The following HNF4G variants were observed in gnomAD, a reference collection of about 807,000 sequenced individuals.
The protein encoded by HNF4G is hepatocyte nuclear factor 4-gamma.
Under a neutral mutation model 50.9 loss-of-function variants are expected in HNF4G, and 21 were observed. The ratio of observed to expected loss-of-function variants is 0.41; its 90% CI spans 0.29 to 0.59. HNF4G has a LOEUF of 0.59. HNF4G is among the 20% of genes least tolerant of loss of function. The pLI is 0.26. For synonymous variants in HNF4G, 198 were observed against 185.6 expected (o/e 1.07, Z -0.54); for missense variants, 527 against 559.4 (o/e 0.94, Z 0.58).
At chr8:75,550,790 A>G (rs1806926787) in intron 3 of HNF4G, among the ~76,000 whole-genome samples, 1 of 151,924 alleles carries the variant, frequency 6.6e-6, no homozygotes, top group African/African-American at 2.4e-5. Flanking sequence ...ATCTTTCCAA[A>G]ATGCTGATAT....
chr8:75,481,960 T>C (rs1812391390), intron 1 of HNF4G, among the ~76,000 whole-genome samples: 2 of 152,190 alleles, frequency 1.3e-5, no homozygotes, highest in South Asian at 4.1e-4. Flanking sequence ...GGAAATTTTG[T>C]GAATTTTGTT....
At chr8:75,412,402 G>A (rs1810521825) in intron 1 of HNF4G, among the ~76,000 whole-genome samples, 1 of 152,154 alleles carries the variant, frequency 6.6e-6, no homozygotes, top group Admixed American at 6.5e-5. Flanking sequence ...AGTACATATG[G>A]ATAAATTCTT....
Position 75,556,931 on chromosome 8 carries a change from G to C in HNF4G, c.733+862G>C, listed in dbSNP as rs569201626. On this transcript the variant is annotated intron_variant, in intron 6 of 9. Coordinates refer to ENST00000396423, the MANE Select transcript of HNF4G (RefSeq NM_004133.5). Reference sequence around the variant, plus strand: ...TCCTTGAAATAGCCCTAAGGGATTAGTACTACTATTTTCAGCCCATTTTGC... The same window carrying C: ...TCCTTGAAATAGCCCTAAGGGATTACTACTACTATTTTCAGCCCATTTTGC... Among the ~76,000 whole-genome samples, 21 of 152,244 alleles carry C rather than the reference G, an allele frequency of 1.4e-4. No homozygotes were observed. In the South Asian group the frequency reaches 4.3e-3, roughly 32 times the overall value.
chr8:75,483,037 CTT>C (rs1812416892), intron 1 of HNF4G, among the ~76,000 whole-genome samples: 1 of 152,114 alleles, frequency 6.6e-6, no homozygotes, highest in South Asian at 2.1e-4. Flanking sequence ...CAATTGAACA[CTT>C]TTAAACTCAA....
chr8:75,545,251 G>T (rs1585942237), intron 2 of HNF4G, among the ~76,000 whole-genome samples: 1 of 151,450 alleles, frequency 6.6e-6, no homozygotes, highest in Non-Finnish European at 1.5e-5. Context: ...GTGTGTGTGT[G>T]TGTGTGTGTG....
intron 5 of HNF4G, among the ~76,000 whole-genome samples, chr8:75,555,211 G>C (rs1217740938): frequency 6.6e-6 from 1 of 152,208 alleles, no homozygotes; most frequent in Non-Finnish European, 1.5e-5. Flanking sequence ...AGCAGCACTA[G>C]AATTTACTGC....
At chr8:75,551,551 G>T in intron 4 of HNF4G, 57 bp downstream of exon 4, 1 of 987,102 alleles carries the variant, frequency 1.0e-6, no homozygotes, top group Non-Finnish European at 1.6e-6. Flanking sequence ...GTCCATGTAG[G>T]CATCATGCTA....
intron 9 of HNF4G, among the ~76,000 whole-genome samples, chr8:75,561,697 G>A (rs11985210): frequency 0.017 from 2,561 of 152,222 alleles, 48 homozygotes; most frequent in African/African-American, 0.053. Flanking sequence ...GTGAGTTACC[G>A]TGGTAATTGA....
At chr8:75,562,325 A>G (rs1421451926) in intron 9 of HNF4G, among the ~76,000 whole-genome samples, 1 of 152,144 alleles carries the variant, frequency 6.6e-6, no homozygotes, top group African/African-American at 2.4e-5. Context: ...TATATGAGAA[A>G]GAGAAAGAAA....
chr8:75,474,814 T>C (rs1236074373), intron 1 of HNF4G, among the ~76,000 whole-genome samples: 4 of 151,870 alleles, frequency 2.6e-5, no homozygotes, highest in Non-Finnish European at 4.4e-5. Context: ...TCTCCTGCCT[T>C]AGCCTCCGGA....
At chr8:75,464,764 G>A (rs1187383639) in intron 1 of HNF4G, among the ~76,000 whole-genome samples, 1 of 152,122 alleles carries the variant, frequency 6.6e-6, no homozygotes, top group East Asian at 1.9e-4. Context: ...TTTAGATCAT[G>A]GGACATGAGG....
chr8:75,530,524 T>G (rs1044030109), intron 2 of HNF4G, among the ~76,000 whole-genome samples: 1 of 152,100 alleles, frequency 6.6e-6, no homozygotes, highest in Non-Finnish European at 1.5e-5. Context: ...TAGGCAGAAT[T>G]TCTGCAGCTG....
At chr8:75,491,291 C>T (rs1812623076) in intron 2 of HNF4G, among the ~76,000 whole-genome samples, 1 of 151,998 alleles carries the variant, frequency 6.6e-6, no homozygotes, top group Admixed American at 6.6e-5. Context: ...AATTTTTTTA[C>T]TTGAAGATTT....
At chr8:75,563,193 C>T (rs183133765) in intron 9 of HNF4G, among the ~76,000 whole-genome samples, 39 of 151,998 alleles carry the variant, frequency 2.6e-4, no homozygotes, top group Non-Finnish European at 4.4e-4. Flanking sequence ...AGCGTGAGTA[C>T]TAAAATATTT....
chr8:75,465,999 A>G (rs2130618295), intron 1 of HNF4G, among the ~76,000 whole-genome samples: 1 of 152,292 alleles, frequency 6.6e-6, no homozygotes, highest in South Asian at 2.1e-4. Flanking sequence ...TACAGAGTAA[A>G]TATGTATGAA....
At chr8:75,526,707 T>A (rs905125162) in intron 2 of HNF4G, among the ~76,000 whole-genome samples, 11 of 142,040 alleles carry the variant, frequency 7.7e-5, no homozygotes, top group African/African-American at 2.6e-4. Flanking sequence ...TAATTAAAAT[T>A]TTTTTTTTTT....
intron 2 of HNF4G, among the ~76,000 whole-genome samples, chr8:75,495,685 G>A (rs150146936): frequency 4.6e-5 from 7 of 151,778 alleles, no homozygotes; most frequent in Admixed American, 6.6e-5. Flanking sequence ...CCACAGGCCC[G>A]TCCCACCAGG....
chr8:75,481,708 G>T (rs1812383824), intron 1 of HNF4G, among the ~76,000 whole-genome samples: 1 of 151,992 alleles, frequency 6.6e-6, no homozygotes, highest in Non-Finnish European at 1.5e-5. Context: ...ACTGTCCACA[G>T]GGAAATTTAA....
At chr8:75,422,638 C>CTT (rs761072653) in intron 1 of HNF4G, among the ~76,000 whole-genome samples, 14 of 145,972 alleles carry the variant, frequency 9.6e-5, no homozygotes, top group African/African-American at 2.2e-4. Context: ...GCTGCATTAT[C>CTT]TTTTTTTTTT....
Sources: gnomAD v4.1 joint callset for allele counts (sites outside exome capture counted in the v4.1 genomes callset) on GRCh38, gnomAD v4.1.1 for gene constraint, MANE v1.5 for transcripts, NCBI Gene and HGNC (gene_info 2026-07-23, HGNC 2026-07-21) for gene names.